Variants in ABCB1 observed in about 807,000 individuals in gnomAD.
The protein encoded by ABCB1 is ATP-dependent translocase ABCB1.
In ABCB1, 69 loss-of-function variants were observed where a neutral mutation model predicts 142.0. The observed-to-expected ratio is 0.49, with a 90% confidence interval of 0.40 to 0.59. The LOEUF (loss-of-function observed/expected upper bound fraction) is 0.59, where lower values mean the gene tolerates loss of function less well. Among genes scored for constraint, ABCB1 ranks in the 20% least tolerant of loss-of-function variants. The pLI is 0.00. For synonymous variants in ABCB1, 532 were observed against 539.2 expected (o/e 0.99, Z 0.18); for missense variants, 1,326 against 1,554.7 (o/e 0.85, Z 2.47).
chr7:87,614,901 G>A (rs778944168), intron 1 of ABCB1, among the ~76,000 whole-genome samples: 2 of 151,648 alleles, frequency 1.3e-5, no homozygotes, highest in African/African-American at 2.4e-5. Flanking sequence ...GCTGGAGTGC[G>A]GTGGCACCAT....
chr7:87,530,838 C>CAAGAAAGAAAGA (rs1217650542), intron 21 of ABCB1, among the ~76,000 whole-genome samples: 5,407 of 70,988 alleles, frequency 0.076, 342 homozygotes, highest in Non-Finnish European at 0.096. Flanking sequence ...AGCAAGAAAG[C>CAAGAAAGAAAGA]AAGAAAGAAA....
chr7:87,680,770 G>C lies in ABCB1; in HGVS notation c.-331+32391C>G, dbSNP rs1453601211. ...AGATCGCGCCATTGCACTCCAGCTT[G>C]GGCAAGGAGTGAAACTCCATCTCAA... is the stretch of plus-strand genomic sequence containing the variant. On this transcript the variant is annotated intron_variant, in intron 1 of 28. Coordinates refer to the ABCB1 transcript ENST00000265724. Among the ~76,000 whole-genome samples, 3 of 149,872 alleles carry C rather than the reference G, an allele frequency of 2.0e-5. 1 individual carries two copies. Among genetic ancestry groups the C allele is most frequent in the Non-Finnish European group, 4.4e-5 (3 of 67,782 alleles).
chr7:87,573,429 G>A (rs1818139647), intron 4 of ABCB1, among the ~76,000 whole-genome samples: 1 of 152,094 alleles, frequency 6.6e-6, no homozygotes, highest in African/African-American at 2.4e-5. Flanking sequence ...CAGCTTCAGT[G>A]ACTCCAAAAT....
In ABCB1 at chr7:87,504,339, G is replaced by C. The variant is rs2235051; in HGVS notation, c.3747C>G (p.Gly1249=). 578 of 1,614,034 alleles carry C rather than the reference G, an allele frequency of 3.6e-4. 1 individual carries two copies. The highest frequency in any genetic ancestry group is 1.5e-3 in the African/African-American group (110 of 75,058). Reference sequence around the variant, plus strand: ...GATGCGTGCCATGCTCCTTGACTCTGCCATTCTGAAACACCACTATTAAGT... The same window carrying C: ...GATGCGTGCCATGCTCCTTGACTCTCCCATTCTGAAACACCACTATTAAGT... ...NADLIVVFQN[G]RVKEHGTHQQ... is the part of the protein sequence containing the mutation. Residue 1249 remains glycine (G), a synonymous_variant, in exon 28 of 28, where the codon GGC becomes GGG. Transcript: ENST00000622132.
At chr7:87,530,846 A>AAGC (rs1563037392) in intron 21 of ABCB1, among the ~76,000 whole-genome samples, 1 of 60,980 alleles carries the variant, frequency 1.6e-5, no homozygotes, top group African/African-American at 5.2e-5. Context: ...AGCAAGAAAG[A>AAGC]AAGAAAGAAA....
At chr7:87,689,999 T>C (rs1827864377) in intron 1 of ABCB1, among the ~76,000 whole-genome samples, 1 of 152,066 alleles carries the variant, frequency 6.6e-6, no homozygotes, top group African/African-American at 2.4e-5. Flanking sequence ...TTTAAAAATT[T>C]TTAAATTTTT....
chr7:87,713,148 A>G (rs756192924), intron 1 of ABCB1: 3 of 152,194 alleles, frequency 2.0e-5, no homozygotes, highest in Non-Finnish European at 4.4e-5. Context: ...TAGAAAGAGT[A>G]TTTGTACCTT....
chr7:87,586,242 C>A (rs1365625463), intron 3 of ABCB1, among the ~76,000 whole-genome samples: 1 of 152,108 alleles, frequency 6.6e-6, no homozygotes, highest in East Asian at 1.9e-4. Context: ...AACATTTTTT[C>A]TGAGAAGACA....
intron 13 of ABCB1, 53 bp downstream of exon 13, chr7:87,549,798 C>T (rs1444464666): frequency 1.3e-6 from 2 of 1,576,454 alleles, no homozygotes; most frequent in African/African-American, 2.7e-5. Context: ...GCATAGTAGG[C>T]CTGCATTTTA....
At chr7:87,581,464 G>A (rs1049668177) in intron 4 of ABCB1, among the ~76,000 whole-genome samples, 2 of 151,458 alleles carry the variant, frequency 1.3e-5, no homozygotes, top group Admixed American at 1.3e-4. Flanking sequence ...ATTAAGCTTT[G>A]TTTACAAAAA....
intron 1 of ABCB1, among the ~76,000 whole-genome samples, chr7:87,639,121 T>A (rs1427458844): frequency 8.4e-6 from 1 of 118,990 alleles, no homozygotes; most frequent in Non-Finnish European, 1.6e-5. Flanking sequence ...ACCACTGCAC[T>A]CCAGCCTGGG....
At chr7:87,567,453 G>A (rs764614629) in intron 5 of ABCB1, among the ~76,000 whole-genome samples, 3 of 152,128 alleles carry the variant, frequency 2.0e-5, no homozygotes, top group Non-Finnish European at 2.9e-5. Flanking sequence ...AAGTGCATTG[G>A]GTTGGTCTCT....
In ABCB1 at chr7:87,579,390, G is replaced by A. The variant is rs58358458; in HGVS notation, c.286+6122C>T. ...TGTGGCTTTTATTTTGTTTATGAAT[G>A]TTCCTTCTATACCCAGTTTTTATCA... On this transcript the variant is annotated intron_variant, in intron 4 of 27. Transcript: ENST00000622132. 4.7e-3 allele frequency among the ~76,000 whole-genome samples: 711 copies of A among 152,126 alleles called. 5 individuals are homozygous for A. Among genetic ancestry groups the A allele is most frequent in the African/African-American group, 0.016 (672 of 41,520 alleles).
chr7:87,613,267 T>C (rs1233710455), intron 1 of ABCB1, among the ~76,000 whole-genome samples: 1 of 144,576 alleles, frequency 6.9e-6, no homozygotes, highest in Admixed American at 6.9e-5. Context: ...CTTTTTTTTT[T>C]TTTTTTTTTT....
intron 26 of ABCB1, among the ~76,000 whole-genome samples, chr7:87,508,738 G>T (rs1311903653): frequency 6.6e-6 from 1 of 152,184 alleles, no homozygotes; most frequent in Non-Finnish European, 1.5e-5. Context: ...TCTGGCATGG[G>T]TTCAGCCCTC....
At chr7:87,703,885 C>CTTTTTTTTTTGTTTTTTTTTTTTTTTTT (rs1829308965) in intron 1 of ABCB1, among the ~76,000 whole-genome samples, 1 of 60,282 alleles carries the variant, frequency 1.7e-5, no homozygotes, top group Non-Finnish European at 3.2e-5. Context: ...TCAGTTTTTT[C>CTTTTTTTTTTGTTTTTTTTTTTTTTTTT]TTTTTTTTTT....
intron 3 of ABCB1, among the ~76,000 whole-genome samples, chr7:87,594,886 TA>T (rs376270265): frequency 1.6e-4 from 24 of 152,266 alleles, no homozygotes; most frequent in African/African-American, 5.5e-4. Context: ...TCCCTTACCT[TA>T]AAAAAATTGC....
chr7:87,628,471 G>C (rs1055394055), intron 1 of ABCB1: 4 of 181,086 alleles, frequency 2.2e-5, no homozygotes, highest in Non-Finnish European at 4.6e-5. Context: ...CGACGGGCTC[G>C]CGCGCGCGCC....
rs1745132217 is a variant in ABCB1 at position 87,503,607 on chromosome 7, TG to T, written c.*635del. 6.4e-6 allele frequency: 1 copy of T among 155,586 alleles called. No individual in the cohort carries two copies. Among genetic ancestry groups the T allele is most frequent in the African/African-American group, 2.4e-5 (1 of 41,450 alleles). The allele number at this position is 155,586 out of a possible 1,614,324, so 9.6% of individuals were successfully genotyped here. On this transcript the variant is annotated 3_prime_UTR_variant, in exon 28 of 28. Coordinates refer to ENST00000622132, the MANE Select transcript of ABCB1 (RefSeq NM_001348946.2). ...CCTCCTAAAATCTTATATCGATCTG[TG>T]TTTTGGGTTTGAGAGCCACCTTAAT... is the stretch of plus-strand genomic sequence containing the variant.
Sources: allele counts gnomAD v4.1 joint callset (sites outside exome capture counted in the v4.1 genomes callset), GRCh38; gene constraint gnomAD v4.1.1; transcripts MANE v1.5; gene names NCBI Gene and HGNC (gene_info 2026-07-23, HGNC 2026-07-21).